Variants in PDE4C observed in about 807,000 individuals in gnomAD.
PDE4C encodes the protein phosphodiesterase 4C.
In PDE4C, 50 loss-of-function variants were observed where a neutral mutation model predicts 63.9. The ratio of observed to expected loss-of-function variants is 0.78; its 90% confidence interval spans 0.62 to 0.99. PDE4C has a LOEUF of 0.99. Among genes scored for constraint, PDE4C ranks in the 50% least tolerant of loss-of-function variants. The pLI is 0.00. For synonymous variants in PDE4C, 377 were observed against 385.1 expected (o/e 0.98, Z 0.25); for missense variants, 777 against 899.1 (o/e 0.86, Z 1.74).
chr19:18,252,799 G>T (rs184133589), upstream of PDE4C, among the ~76,000 whole-genome samples: 75 of 152,136 alleles, frequency 4.9e-4, 2 homozygotes, highest in Admixed American at 4.0e-3. Context: ...TGCATTTTTA[G>T]TTTCACTGTG....
chr19:18,216,110 C>T (rs1487540890), intron 12 of PDE4C, among the ~76,000 whole-genome samples: 1 of 151,856 alleles, frequency 6.6e-6, no homozygotes, highest in African/African-American at 2.4e-5. Flanking sequence ...GGATTACAGG[C>T]GTGAGCCACC....
chr19:18,220,086 G>C lies in PDE4C; in HGVS notation c.706+140C>G. On this transcript the variant is annotated intron_variant, in intron 7 of 14. Coordinates refer to ENST00000262805, the Ensembl canonical transcript of PDE4C. The surrounding 1 kb of genome is among the most constrained non-coding windows in gnomAD (Gnocchi z 5.1). ...GGAAGTTCCCCTTGTTCCTCCCTCT[G>C]ATCCAGCCCTGACTCATGGGGGCTG... 1 of 713,768 alleles carries C rather than the reference G, an allele frequency of 1.4e-6. No individual in the cohort carries two copies. Among genetic ancestry groups the C allele is most frequent in the Non-Finnish European group, 2.5e-6 (1 of 400,472 alleles). The allele number at this position is 713,768 out of a possible 1,614,324, so 44.2% of individuals were successfully genotyped here.
upstream of PDE4C, among the ~76,000 whole-genome samples, chr19:18,249,353 C>T (rs1969196753): frequency 6.6e-6 from 1 of 152,124 alleles, no homozygotes; most frequent in African/African-American, 2.4e-5. Context: ...CAGCTTACCG[C>T]AACCTCTGAC....
rs761626676 is a variant in PDE4C, at chr19:18,233,066, G to T, written c.126C>A (p.Ile42=). ...CCGGATCCGAATAGAAGCGCTGTTG[G>T]ATGCGGATGGGGCGCCGGGGTTGCC... The change falls in exon 1 of 15, where the codon ATC becomes ATA. Residue 42 remains isoleucine (I), a synonymous_variant. Transcript: ENST00000594465. 1.2e-5 allele frequency: 19 copies of T among 1,570,856 alleles called. 1 individual carries two copies. The South Asian group carries it at 2.1e-4, about 17-fold the overall frequency.
chr19:18,213,588 T>A, intron 12 of PDE4C, 98 bp from the exon 13 acceptor site: 1 of 1,342,142 alleles, frequency 7.5e-7, no homozygotes, highest in Non-Finnish European at 1.0e-6. Context: ...GACTCAGCCC[T>A]CTGGGCCTCA....
chr19:18,226,558 G>C (rs997527516), upstream of PDE4C: 2 of 489,586 alleles, frequency 4.1e-6, no homozygotes, highest in African/African-American at 2.0e-5. Flanking sequence ...CGACCCCCGG[G>C]ACAAACGGGG....
rs142235928 is a variant in PDE4C at position 18,222,188 on chromosome 19, G to A, written c.282C>T (p.Ser94=). ...TGGCCTTGGGCGAGAGTTCATAGTC[G>A]CTATCTGAGCGGTACAGGAAGGACT... is the stretch of plus-strand genomic sequence containing the variant. The change falls in exon 2 of 15, where the codon AGC becomes AGT. Residue 94 remains serine, a synonymous_variant. Transcript: ENST00000262805. 153 of 1,614,126 alleles carry A rather than the reference G, an allele frequency of 9.5e-5. No individual in the cohort carries two copies. The African/African-American group carries it at 1.8e-3, about 19-fold the overall frequency.
At chr19:18,248,457 G>C (rs1036279890), upstream of PDE4C, among the ~76,000 whole-genome samples, 15 of 151,760 alleles carry the variant, frequency 9.9e-5, no homozygotes, top group Admixed American at 5.9e-4. Flanking sequence ...GAGGAAGGAG[G>C]GGGGAAGGAG....
At chr19:18,230,702 T>G (rs1190470614), upstream of PDE4C, among the ~76,000 whole-genome samples, 1 of 152,102 alleles carries the variant, frequency 6.6e-6, no homozygotes, top group Admixed American at 6.6e-5. Flanking sequence ...AGGCTAAGCT[T>G]AAATGTCACT....
At chr19:18,232,696 G>A (rs1968874110) in intron 1 of PDE4C, among the ~76,000 whole-genome samples, 2 of 138,592 alleles carry the variant, frequency 1.4e-5, no homozygotes, top group Admixed American at 1.5e-4. Context: ...ACGCGCGCGC[G>A]CGCACACACA....
At chr19:18,210,984 G>T in exon 15 of PDE4C, 3 of 1,614,160 alleles carry the variant, frequency 1.9e-6, no homozygotes, top group Non-Finnish European at 2.5e-6. Context: ...GGCTTCAGGG[G>T]ACAGGAGTTC....
upstream of PDE4C, among the ~76,000 whole-genome samples, chr19:18,229,585 GT>G (rs56844257): frequency 0.63 from 95,268 of 151,916 alleles, 30,995 homozygotes; most frequent in East Asian, 0.71. Flanking sequence ...TCATTTGAAT[GT>G]TCCCTTCTCT....
intron 8 of PDE4C, 79 bp downstream of exon 8, chr19:18,219,155 G>A: frequency 1.9e-6 from 3 of 1,601,494 alleles, no homozygotes; most frequent in Non-Finnish European, 2.6e-6. Context: ...TATATAGGTG[G>A]GCAAACAGGC....
At chr19:18,230,529 T>A (rs1968826687), upstream of PDE4C, among the ~76,000 whole-genome samples, 1 of 152,066 alleles carries the variant, frequency 6.6e-6, no homozygotes. Flanking sequence ...AATAAATGCT[T>A]GTAGCATAAA....
At chr19:18,246,028 T>TTTTTG (rs1969123132) in intron 1 of PDE4C, among the ~76,000 whole-genome samples, 1 of 147,034 alleles carries the variant, frequency 6.8e-6, no homozygotes, top group East Asian at 2.1e-4. Context: ...TTTTTTTTTT[T>TTTTTG]GAGACAGAGT....
chr19:18,252,225 G>A (rs982444682), upstream of PDE4C: 3 of 399,120 alleles, frequency 7.5e-6, no homozygotes, highest in Non-Finnish European at 1.3e-5. Context: ...ACTAGGGTGC[G>A]TGATTGTCTC....
intron 1 of PDE4C, among the ~76,000 whole-genome samples, chr19:18,241,255 GTTTTTTTTTTTTT>G (rs200717537): frequency 3.8e-5 from 3 of 78,514 alleles, no homozygotes; most frequent in South Asian, 4.3e-4. Flanking sequence ...TTCTTCTCTT[GTTTTTTTTTTTTT>G]TTTTTTTTTT....
At chr19:18,219,759 G>T in intron 7 of PDE4C, 1 of 235,372 alleles carries the variant, frequency 4.2e-6, no homozygotes, top group Admixed American at 5.1e-5. Context: ...AGGAGGCGGA[G>T]GTTGCAGTGG....
exon 15 of PDE4C, chr19:18,210,785 C>T: frequency 1.4e-6 from 2 of 1,398,826 alleles, no homozygotes; most frequent in African/African-American, 1.4e-5. Context: ...CTGGGAGCCA[C>T]CTATAACTAA....
Sources: allele counts gnomAD v4.1 joint callset (sites outside exome capture counted in the v4.1 genomes callset), GRCh38; gene constraint gnomAD v4.1.1; non-coding constraint Gnocchi (gnomAD v3.1); transcripts MANE v1.5; gene names NCBI Gene and HGNC (gene_info 2026-07-23, HGNC 2026-07-21).